Variants in CLVS1 observed in about 807,000 individuals in gnomAD.
The protein encoded by CLVS1 is clavesin-1.
Under a neutral mutation model 33.1 loss-of-function variants are expected in CLVS1, and 10 were observed. That is an observed-to-expected ratio of 0.30 (90% confidence interval 0.19 to 0.51). The LOEUF is 0.51. Among genes scored for constraint, CLVS1 ranks in the 20% least tolerant of loss-of-function variants. The pLI is 0.97. For missense variants in CLVS1, 343 were observed against 433.4 expected, an observed-to-expected ratio of 0.79 and a Z score of 1.85; for synonymous variants, 163 against 166.1, an observed-to-expected ratio of 0.98 and a Z score of 0.14.
At chr8:61,213,662 T>C (rs1329450146) in intron 2 of CLVS1, among the ~76,000 whole-genome samples, 1 of 152,160 alleles carries the variant, frequency 6.6e-6, no homozygotes, top group East Asian at 1.9e-4. Flanking sequence ...CTTTAATCTC[T>C]TAATCCTGTC....
intron 2 of CLVS1, among the ~76,000 whole-genome samples, chr8:61,250,074 T>C (rs1440049131): frequency 2.0e-5 from 3 of 152,206 alleles, no homozygotes; most frequent in Non-Finnish European, 4.4e-5. Flanking sequence ...CTTTAATCTA[T>C]CTTGGGTTGA....
At chr8:61,067,180 T>G (rs1804698367) in intron 1 of CLVS1, among the ~76,000 whole-genome samples, 1 of 152,194 alleles carries the variant, frequency 6.6e-6, no homozygotes, top group African/African-American at 2.4e-5. Flanking sequence ...TAGCACTAAT[T>G]GTATTGTAAT....
chr8:61,112,866 T>C (rs117867940), intron 1 of CLVS1, among the ~76,000 whole-genome samples: 1,531 of 152,276 alleles, frequency 0.01, 17 homozygotes, highest in Non-Finnish European at 0.016. Context: ...ATCATGCCAA[T>C]CTTCAAATAA....
chr8:61,350,391 C>G (rs1212566903), intron 2 of CLVS1, among the ~76,000 whole-genome samples: 1 of 152,132 alleles, frequency 6.6e-6, no homozygotes, highest in Non-Finnish European at 1.5e-5. Flanking sequence ...AGCTATTTCT[C>G]TTACAACTCT....
At chr8:61,096,661 C>T (rs1379710784) in intron 1 of CLVS1, among the ~76,000 whole-genome samples, 1 of 152,162 alleles carries the variant, frequency 6.6e-6, no homozygotes, top group Non-Finnish European at 1.5e-5. Context: ...TATACCAGAA[C>T]ATGAGTCAAT....
intron 2 of CLVS1, among the ~76,000 whole-genome samples, chr8:61,159,335 T>A (rs1806710543): frequency 6.6e-6 from 1 of 152,204 alleles, no homozygotes; most frequent in Non-Finnish European, 1.5e-5. Context: ...TAAACTTCTC[T>A]TCCTACTTTT....
chr8:61,186,751 C>A (rs1411187730), intron 2 of CLVS1, among the ~76,000 whole-genome samples: 4 of 152,072 alleles, frequency 2.6e-5, no homozygotes, highest in Non-Finnish European at 4.4e-5. Flanking sequence ...CTTAAAATAA[C>A]CTTGAGAGTC....
intron 3 of CLVS1, among the ~76,000 whole-genome samples, chr8:61,409,479 C>G (rs2129603955): frequency 2.1e-5 from 2 of 93,484 alleles, no homozygotes; most frequent in South Asian, 6.3e-4. Flanking sequence ...AGAGAACTCC[C>G]TCCTTATTTC....
intron 2 of CLVS1, among the ~76,000 whole-genome samples, chr8:61,230,242 G>T (rs1447983465): frequency 3.9e-5 from 6 of 152,136 alleles, no homozygotes; most frequent in Admixed American, 3.9e-4. Flanking sequence ...TTCTTTGTGA[G>T]GGCCAATAAG....
At chr8:61,198,692 G>A (rs1807667081) in intron 2 of CLVS1, among the ~76,000 whole-genome samples, 2 of 152,068 alleles carry the variant, frequency 1.3e-5, no homozygotes, top group Non-Finnish European at 2.9e-5. Flanking sequence ...GGCCCCAATA[G>A]ATATTTTTCA....
At chr8:61,015,823 A>G in the CLVS1 span, among the ~76,000 whole-genome samples, 1 of 152,190 alleles carries the variant, frequency 6.6e-6, no homozygotes, top group Non-Finnish European at 1.5e-5. Context: ...ATGGCTTCCA[A>G]CCGGCCTTCC....
intron 2 of CLVS1, among the ~76,000 whole-genome samples, chr8:61,256,689 G>A (rs1809091639): frequency 1.3e-5 from 2 of 151,516 alleles, no homozygotes; most frequent in South Asian, 4.2e-4. Flanking sequence ...ACTCTTTATA[G>A]GAATCAAATG....
intron 1 of CLVS1, among the ~76,000 whole-genome samples, chr8:61,062,222 C>A (rs954058483): frequency 6.6e-6 from 1 of 152,168 alleles, no homozygotes; most frequent in African/African-American, 2.4e-5. Context: ...CAGGAGGATA[C>A]TGGAAATGTT....
At chr8:61,170,554 T>G (rs1358538197) in intron 2 of CLVS1, among the ~76,000 whole-genome samples, 1 of 152,218 alleles carries the variant, frequency 6.6e-6, no homozygotes, top group African/African-American at 2.4e-5. Flanking sequence ...AACGTGGCCC[T>G]TAAAATTTTG....
At chr8:61,221,483 AC>A (rs1388347158) in intron 2 of CLVS1, among the ~76,000 whole-genome samples, 4 of 152,216 alleles carry the variant, frequency 2.6e-5, no homozygotes, top group Non-Finnish European at 2.9e-5. Flanking sequence ...GTGATGGATT[AC>A]ATTTATTGAT....
chr8:61,383,184 C>A (rs1483868907), intron 3 of CLVS1, among the ~76,000 whole-genome samples: 3 of 152,204 alleles, frequency 2.0e-5, no homozygotes, highest in Non-Finnish European at 4.4e-5. Context: ...TAGGTAATGA[C>A]TTAGGGCGAG....
At chr8:61,231,454 T>A (rs529252763) in intron 2 of CLVS1, among the ~76,000 whole-genome samples, 1 of 152,334 alleles carries the variant, frequency 6.6e-6, no homozygotes, top group South Asian at 2.1e-4. Flanking sequence ...TAGGTCTCTG[T>A]ATTTTTTAAA....
chr8:61,141,764 G>T lies in CLVS1; in HGVS notation c.-152+9904G>T, dbSNP rs559558736. Among the ~76,000 whole-genome samples the T allele has an allele frequency of 2.0e-5, 3 of 152,246 alleles. No individual in the cohort carries two copies. In the South Asian group the frequency reaches 6.2e-4, roughly 32 times the overall value. ...CATTTCACTTGATAATTTTTGATAT[G>T]TCTGATATTTGCCTCCACTCCCCAG... On this transcript the variant is annotated intron_variant, in intron 2 of 2. Transcript: ENST00000522621.
At chr8:61,312,083 TG>T (rs1307981851) in intron 2 of CLVS1, among the ~76,000 whole-genome samples, 1 of 152,236 alleles carries the variant, frequency 6.6e-6, no homozygotes, top group African/African-American at 2.4e-5. Context: ...GGCTATTCAT[TG>T]CTTTCCCCAG....
Sources: gnomAD v4.1 joint callset for allele counts (sites outside exome capture counted in the v4.1 genomes callset) on GRCh38, gnomAD v4.1.1 for gene constraint, MANE v1.5 for transcripts, NCBI Gene and HGNC (gene_info 2026-07-23, HGNC 2026-07-21) for gene names.